BBS9: variants seen among roughly 807,000 people sequenced by gnomAD.
BBS9 encodes protein PTHB1.
In BBS9, 89 loss-of-function variants were observed where a neutral mutation model predicts 117.7. That is an observed-to-expected ratio of 0.76 (90% CI 0.64 to 0.90). The LOEUF (loss-of-function observed/expected upper bound fraction) is 0.90. Among genes scored for constraint, BBS9 ranks in the 40% least tolerant of loss-of-function variants. The pLI is 0.00. For missense variants in BBS9, 982 were observed against 1,042.2 expected (o/e 0.94, Z 0.80); for synonymous variants, 379 against 370.9 (o/e 1.02, Z -0.25).
chr7:33,532,452 G>A (rs1049285565), intron 20 of BBS9, among the ~76,000 whole-genome samples: 8 of 152,260 alleles, frequency 5.3e-5, no homozygotes, highest in African/African-American at 1.9e-4. Flanking sequence ...TGCATGGCTG[G>A]GGAGATGTCG....
At chr7:33,527,048 G>C (rs1159877632) in intron 20 of BBS9, among the ~76,000 whole-genome samples, 1 of 151,684 alleles carries the variant, frequency 6.6e-6, no homozygotes, top group Non-Finnish European at 1.5e-5. Flanking sequence ...GTGCCTCCCA[G>C]TTAGGCTGCT....
In BBS9 at chr7:33,423,979, A is replaced by G. The variant is rs527371503; in HGVS notation, c.2115+35835A>G. 3.3e-5 allele frequency among the ~76,000 whole-genome samples: 5 copies of G among 152,294 alleles called. 1 individual carries two copies. The South Asian group carries it at 1.0e-3, about 32-fold the overall frequency. On this transcript the variant is annotated intron_variant, in intron 19 of 22. Transcript: ENST00000242067. Reference sequence around the variant, plus strand: ...TCAATTAATTTCTTGATTGGTTTAAAGGACACTTTTTGAGTTTTCAGCTAC... The same window carrying G: ...TCAATTAATTTCTTGATTGGTTTAAGGGACACTTTTTGAGTTTTCAGCTAC...
At chr7:33,428,467 G>A (rs1220204570) in intron 19 of BBS9, among the ~76,000 whole-genome samples, 1 of 152,074 alleles carries the variant, frequency 6.6e-6, no homozygotes, top group East Asian at 1.9e-4. Context: ...CCAGAACTTA[G>A]TGCAGTCCAA....
At chr7:33,152,551 CT>C (rs1377783627) in intron 2 of BBS9, 149 bp from the exon 3 acceptor site, 2 of 700,124 alleles carry the variant, frequency 2.9e-6, no homozygotes, top group Non-Finnish European at 4.7e-6. Context: ...TTAATTACAC[CT>C]TTTTTGACAG....
At chr7:33,447,891 T>C (rs899922464) in intron 19 of BBS9, among the ~76,000 whole-genome samples, 1 of 152,226 alleles carries the variant, frequency 6.6e-6, no homozygotes, top group African/African-American at 2.4e-5. Flanking sequence ...CTACATGTTA[T>C]CTAATTTCAT....
chr7:33,537,414 A>G (rs545949079), intron 21 of BBS9, among the ~76,000 whole-genome samples: 7 of 152,164 alleles, frequency 4.6e-5, no homozygotes, highest in East Asian at 1.9e-4. Context: ...CCAATTCTCT[A>G]TCAGTTTTTC....
intron 20 of BBS9, among the ~76,000 whole-genome samples, chr7:33,522,563 T>C (rs1177985392): frequency 2.0e-5 from 3 of 152,228 alleles, no homozygotes; most frequent in African/African-American, 7.2e-5. Context: ...AAGTGTCTGT[T>C]CATGTCCTTT....
chr7:33,451,912 C>A (rs1302657446), intron 19 of BBS9, among the ~76,000 whole-genome samples: 1 of 152,112 alleles, frequency 6.6e-6, no homozygotes, highest in African/African-American at 2.4e-5. Flanking sequence ...CAGCTCACTG[C>A]AATCTTTACC....
In BBS9 at chr7:33,328,124, C is replaced by T. The variant is rs143754571; in HGVS notation, c.1017-8317C>T. Among the ~76,000 whole-genome samples the T allele has an allele frequency of 7.2e-5, 11 of 152,292 alleles. No individual in the cohort carries two copies. In the East Asian group the frequency reaches 2.1e-3, roughly 29 times the overall value. On this transcript the variant is annotated intron_variant, in intron 9 of 22. Coordinates refer to ENST00000242067, the MANE Select transcript of BBS9 (RefSeq NM_198428.3). ...AAGTCATTAAGACTGAATGAGGTCA[C>T]CAAGGCTGGAATCCTTTGCCTTTAT... is the stretch of plus-strand genomic sequence containing the variant.
chr7:33,328,620 G>A (rs141546779), intron 9 of BBS9, among the ~76,000 whole-genome samples: 1 of 152,090 alleles, frequency 6.6e-6, no homozygotes. Context: ...GATTTCCTTG[G>A]TATCTATATA....
chr7:33,422,125 G>A (rs1467218897), intron 19 of BBS9, among the ~76,000 whole-genome samples: 5 of 152,100 alleles, frequency 3.3e-5, no homozygotes, highest in African/African-American at 9.7e-5. Flanking sequence ...GCTTTTTCTT[G>A]TAAATATAAA....
intron 21 of BBS9, chr7:33,534,380 T>C (rs1851048989): frequency 1.6e-6 from 1 of 617,960 alleles, no homozygotes; most frequent in Non-Finnish European, 2.9e-6. Context: ...ATTTCCAGAA[T>C]GGTATGTCTT....
chr7:33,200,621 C>A (rs952488435), intron 5 of BBS9, among the ~76,000 whole-genome samples: 1 of 152,106 alleles, frequency 6.6e-6, no homozygotes, highest in African/African-American at 2.4e-5. Flanking sequence ...GTTTTCCTGG[C>A]TTTCACTCAT....
chr7:33,554,722 C>A (rs1855014481), intron 21 of BBS9, among the ~76,000 whole-genome samples: 1 of 152,112 alleles, frequency 6.6e-6, no homozygotes, highest in African/African-American at 2.4e-5. Flanking sequence ...GCCTGGGCTG[C>A]AGATGGACTG....
chr7:33,380,941 A>G (rs1258252264), intron 17 of BBS9: 1 of 152,160 alleles, frequency 6.6e-6, no homozygotes, highest in Non-Finnish European at 1.5e-5. Context: ...ACACATAAAA[A>G]TAAGGATCCT....
chr7:33,526,191 AC>A (rs1849471448), intron 20 of BBS9, among the ~76,000 whole-genome samples: 1 of 151,414 alleles, frequency 6.6e-6, no homozygotes, highest in South Asian at 2.1e-4. Context: ...ATTTTTTCCT[AC>A]ATTTCAACTT....
chr7:33,221,977 A>T (rs983369609), intron 5 of BBS9, among the ~76,000 whole-genome samples: 3 of 152,204 alleles, frequency 2.0e-5, no homozygotes, highest in Admixed American at 2.0e-4. Flanking sequence ...AAGAACTTTA[A>T]TCCTAAAAGG....
intron 16 of BBS9, among the ~76,000 whole-genome samples, chr7:33,367,010 T>A (rs1821901158): frequency 6.6e-6 from 1 of 152,184 alleles, no homozygotes; most frequent in South Asian, 2.1e-4. Flanking sequence ...TGTGTGATGG[T>A]AACAGCCATT....
chr7:33,561,295 A>T (rs1364716796), intron 21 of BBS9, among the ~76,000 whole-genome samples: 1 of 152,134 alleles, frequency 6.6e-6, no homozygotes, highest in Non-Finnish European at 1.5e-5. Context: ...TGGTTTTCCT[A>T]CTTAAGGGTA....
Sources: allele counts gnomAD v4.1 joint callset (sites outside exome capture counted in the v4.1 genomes callset), GRCh38; gene constraint gnomAD v4.1.1; transcripts MANE v1.5; gene names NCBI Gene and HGNC (gene_info 2026-07-23, HGNC 2026-07-21).